LRCH1: variants seen among roughly 807,000 people sequenced by gnomAD.
LRCH1 encodes the protein leucine rich repeats and calponin homology domain containing 1.
LRCH1 carries 23 observed loss-of-function variants against 94.9 expected under a neutral mutation model. The observed-to-expected ratio is 0.24, with a 90% CI of 0.17 to 0.34. LRCH1 has a LOEUF of 0.34. Ranked by LOEUF, LRCH1 falls within the 10% of genes least tolerant of loss-of-function variation. The pLI is 1.00. For synonymous variants in LRCH1, 364 were observed against 354.9 expected, an observed-to-expected ratio of 1.03 and a Z score of -0.29; for missense variants, 790 against 945.9, an observed-to-expected ratio of 0.84 and a Z score of 2.16.
downstream of LRCH1, among the ~76,000 whole-genome samples, chr13:46,745,061 G>C (rs7988333): frequency 0.1 from 15,238 of 152,044 alleles, 1,470 homozygotes; most frequent in African/African-American, 0.24. Flanking sequence ...CACATGGCCT[G>C]GTCCTCAAAA....
At chr13:46,562,862 C>T (rs184242251) in intron 1 of LRCH1, among the ~76,000 whole-genome samples, 2 of 152,216 alleles carry the variant, frequency 1.3e-5, no homozygotes, top group African/African-American at 4.8e-5. Flanking sequence ...TGCTCCTGAG[C>T]CCTCGAATGT....
At chr13:46,566,988 A>G (rs1005182002) in intron 1 of LRCH1, among the ~76,000 whole-genome samples, 2 of 152,254 alleles carry the variant, frequency 1.3e-5, no homozygotes, top group African/African-American at 2.4e-5. Flanking sequence ...TCTTCAAGGT[A>G]TCTGTTATTA....
chr13:46,702,338 C>A (rs1040069325), intron 11 of LRCH1, among the ~76,000 whole-genome samples: 1 of 152,062 alleles, frequency 6.6e-6, no homozygotes, highest in Non-Finnish European at 1.5e-5. Flanking sequence ...CCTGTCTGTA[C>A]TAATAATACA....
At chr13:46,570,187 G>T (rs967135307) in intron 1 of LRCH1, among the ~76,000 whole-genome samples, 3 of 152,322 alleles carry the variant, frequency 2.0e-5, no homozygotes, top group Middle Eastern at 3.4e-3. Context: ...TTGAGGCTCA[G>T]AGAGAAATGC....
chr13:46,731,165 T>C (rs1873086826), intron 18 of LRCH1, among the ~76,000 whole-genome samples: 1 of 149,626 alleles, frequency 6.7e-6, no homozygotes, highest in South Asian at 2.1e-4. Context: ...TGTTTTTTAA[T>C]TGTGAGCTTC....
chr13:46,666,000 G>A (rs540579610), intron 2 of LRCH1, among the ~76,000 whole-genome samples: 67 of 152,162 alleles, frequency 4.4e-4, no homozygotes, highest in African/African-American at 1.5e-3. Context: ...TTTTTCTATT[G>A]GGGAAATTAC....
chr13:46,728,280 A>G (rs1183728914), intron 17 of LRCH1, among the ~76,000 whole-genome samples: 1 of 151,736 alleles, frequency 6.6e-6, no homozygotes, highest in Non-Finnish European at 1.5e-5. Context: ...CAGTAGCACT[A>G]CCTCATCTCA....
Position 46,617,026 on chromosome 13 carries a change from G to A in LRCH1, c.308-33175G>A, listed in dbSNP as rs150781378. The stretch of plus-strand genomic sequence containing the variant: ...ACAATGGTGGAATGTCATCAGTTAA[G>A]GCTATTTTTACTTCTTTTGTGGATC... On this transcript the variant is annotated intron_variant, in intron 1 of 19. Coordinates refer to ENST00000389797, the MANE Select transcript of LRCH1 (RefSeq NM_001164211.2). Among the ~76,000 whole-genome samples, 425 of 152,326 alleles carry A rather than the reference G, an allele frequency of 2.8e-3. 4 individuals carry two copies. Among genetic ancestry groups the A allele is most frequent in the African/African-American group, 9.7e-3 (403 of 41,570 alleles).
intron 2 of LRCH1, among the ~76,000 whole-genome samples, chr13:46,659,855 G>A (rs1044963069): frequency 6.6e-6 from 1 of 152,116 alleles, no homozygotes; most frequent in Non-Finnish European, 1.5e-5. Flanking sequence ...CTCAGTACCA[G>A]TAGGAGAGAA....
At chr13:46,575,510 A>G (rs1439457367) in intron 1 of LRCH1, among the ~76,000 whole-genome samples, 2 of 143,366 alleles carry the variant, frequency 1.4e-5, no homozygotes, top group African/African-American at 5.2e-5. Flanking sequence ...CTGTGCATGA[A>G]TGTGTGTGTG....
At chr13:46,692,302 C>A (rs191880373) in intron 7 of LRCH1, among the ~76,000 whole-genome samples, 1 of 152,200 alleles carries the variant, frequency 6.6e-6, no homozygotes, top group East Asian at 1.9e-4. Flanking sequence ...ACTTTACCAG[C>A]ACCCCAGAAA....
At chr13:46,570,701 G>A (rs2050232097) in intron 1 of LRCH1, among the ~76,000 whole-genome samples, 1 of 152,184 alleles carries the variant, frequency 6.6e-6, no homozygotes, top group South Asian at 2.1e-4. Context: ...ATTCCGGTAG[G>A]GAAGAGTAGT....
chr13:46,712,721 C>A, intron 15 of LRCH1, 124 bp downstream of exon 15: 1 of 861,424 alleles, frequency 1.2e-6, no homozygotes, highest in Non-Finnish European at 1.9e-6. Context: ...ATCCTGGCAT[C>A]TACAGCTAGG....
chr13:46,650,357 A>C lies in LRCH1; in HGVS notation c.452+12A>C. Reference sequence around the variant, plus strand: ...TACCTGAACTTGAGGTAGGTTAAACATAAAAGTTGTAATCAAATTCAGTGA... The same window carrying C: ...TACCTGAACTTGAGGTAGGTTAAACCTAAAAGTTGTAATCAAATTCAGTGA... On this transcript the variant is annotated intron_variant, in intron 2 of 19. Coordinates refer to ENST00000389797, the MANE Select transcript of LRCH1 (RefSeq NM_001164211.2). The C allele has an allele frequency of 6.4e-7, 1 of 1,554,070 alleles. No individual in the cohort carries two copies.
At chr13:46,671,919 C>T (rs1394557392) in intron 3 of LRCH1, among the ~76,000 whole-genome samples, 1 of 152,216 alleles carries the variant, frequency 6.6e-6, no homozygotes, top group Non-Finnish European at 1.5e-5. Flanking sequence ...TATCCGGACA[C>T]ATCAATGTCA....
chr13:46,573,919 G>A (rs2050272831), intron 1 of LRCH1, among the ~76,000 whole-genome samples: 1 of 137,608 alleles, frequency 7.3e-6, no homozygotes, highest in Non-Finnish European at 1.5e-5. Context: ...CTGGAGCGCA[G>A]TGGCATGATC....
chr13:46,656,374 C>T (rs2051369664), intron 2 of LRCH1, among the ~76,000 whole-genome samples: 1 of 152,168 alleles, frequency 6.6e-6, no homozygotes, highest in Non-Finnish European at 1.5e-5. Context: ...TCTTCCTAAA[C>T]TGGAAAGGAG....
chr13:46,567,166 C>T (rs967760247), intron 1 of LRCH1, among the ~76,000 whole-genome samples: 2 of 152,114 alleles, frequency 1.3e-5, no homozygotes, highest in Non-Finnish European at 2.9e-5. Flanking sequence ...AGTGCAAGAC[C>T]AAGTTTACTT....
chr13:46,679,689 C>T (rs1211539878), intron 3 of LRCH1: 1 of 152,324 alleles, frequency 6.6e-6, no homozygotes, highest in Non-Finnish European at 1.5e-5. Flanking sequence ...TGCTGCTGAA[C>T]ACCCGGTGCT....
Sources: gnomAD v4.1 joint callset for allele counts (sites outside exome capture counted in the v4.1 genomes callset) on GRCh38, gnomAD v4.1.1 for gene constraint, MANE v1.5 for transcripts, NCBI Gene and HGNC (gene_info 2026-07-23, HGNC 2026-07-21) for gene names.